The following KMT5A variants were observed in gnomAD, a reference collection of about 807,000 sequenced individuals.
KMT5A encodes lysine methyltransferase 5A.
A neutral mutation model predicts 40.6 loss-of-function variants in KMT5A; 6 were observed. That is an observed-to-expected ratio of 0.15 (90% CI 0.08 to 0.29). The LOEUF is 0.29. KMT5A is among the 10% of genes least tolerant of loss of function. The pLI is 1.00. For missense variants in KMT5A, 308 were observed against 459.1 expected (o/e 0.67, Z 3.01); for synonymous variants, 153 against 178.8 (o/e 0.86, Z 1.15).
chr12:123,387,235 C>A (rs1468866843), intron 1 of KMT5A, among the ~76,000 whole-genome samples: 2 of 152,268 alleles, frequency 1.3e-5, no homozygotes, highest in African/African-American at 2.4e-5. Context: ...GTATTTACAT[C>A]TTCTAGGTAC....
At chr12:123,397,524 T>TA (rs927668984) in intron 5 of KMT5A, among the ~76,000 whole-genome samples, 23 of 152,274 alleles carry the variant, frequency 1.5e-4, no homozygotes, top group African/African-American at 2.2e-4. Context: ...AAGCTTCATT[T>TA]AAAAAAAATT....
At chr12:123,401,474 A>G (rs1409799698) in intron 5 of KMT5A, among the ~76,000 whole-genome samples, 1 of 151,250 alleles carries the variant, frequency 6.6e-6, no homozygotes, top group Admixed American at 6.6e-5. Flanking sequence ...TATCTTTCAT[A>G]TCTTTTAAGT....
At chr12:123,385,395 T>C (rs1169090431) in intron 1 of KMT5A, among the ~76,000 whole-genome samples, 1 of 152,216 alleles carries the variant, frequency 6.6e-6, no homozygotes, top group Non-Finnish European at 1.5e-5. Flanking sequence ...TATTTAACAT[T>C]ATCTGACTAA....
At position 123,384,504 on chromosome 12, in the gene KMT5A, A is replaced by C. The variant is rs1488118086; in HGVS notation, c.10+296A>C. Among the ~76,000 whole-genome samples the C allele has an allele frequency of 6.6e-6, 1 of 152,238 alleles. No homozygotes were observed. Among genetic ancestry groups the C allele is most frequent in the Admixed American group, 6.5e-5 (1 of 15,286 alleles). ...AGATCCATATGTCAGAGCTCTTTGG[A>C]AACTAAAGCGCAGGGCACCTCCAGG... On this transcript the variant is annotated intron_variant, in intron 1 of 7. Coordinates refer to ENST00000402868, the MANE Select transcript of KMT5A (RefSeq NM_020382.7). The surrounding 1 kb of genome is among the most constrained non-coding windows in gnomAD (Gnocchi z 5.7).
chr12:123,386,926 G>T (rs1319920391), intron 1 of KMT5A, among the ~76,000 whole-genome samples: 2 of 151,866 alleles, frequency 1.3e-5, no homozygotes, highest in Non-Finnish European at 2.9e-5. Context: ...CACAATCTTG[G>T]CTCACTGCAA....
At chr12:123,398,944 C>G (rs1475430536) in intron 5 of KMT5A, among the ~76,000 whole-genome samples, 3 of 152,252 alleles carry the variant, frequency 2.0e-5, no homozygotes, top group Non-Finnish European at 4.4e-5. Context: ...AGGCTGAAGA[C>G]AGCAGCCAGG....
chr12:123,396,637 G>T (rs1877750211), intron 5 of KMT5A, among the ~76,000 whole-genome samples: 1 of 152,202 alleles, frequency 6.6e-6, no homozygotes, highest in Admixed American at 6.5e-5. Context: ...TCACTGCAGG[G>T]CTTGGTTAAG....
At chr12:123,403,483 G>A in intron 5 of KMT5A, 90 bp from the exon 6 acceptor site, 1 of 1,437,576 alleles carries the variant, frequency 7.0e-7, no homozygotes. Context: ...CGGTGGGCAT[G>A]GCCTGGGCAA....
chr12:123,394,104 C>CTTTTTTTTTTT (rs397711320), intron 3 of KMT5A, among the ~76,000 whole-genome samples: 1 of 125,076 alleles, frequency 8.0e-6, no homozygotes, highest in African/African-American at 3.0e-5. Flanking sequence ...ATTTTTTTTT[C>CTTTTTTTTTTT]TTTTTTTTTT....
chr12:123,387,490 A>G (rs28475177), intron 1 of KMT5A, among the ~76,000 whole-genome samples: 9,501 of 152,252 alleles, frequency 0.062, 328 homozygotes, highest in South Asian at 0.11. Flanking sequence ...AAATGGCTCA[A>G]CCTGGTTATC....
At chr12:123,403,685 T>A in intron 6 of KMT5A, 53 bp downstream of exon 6, 1 of 1,606,180 alleles carries the variant, frequency 6.2e-7, no homozygotes, top group Non-Finnish European at 8.5e-7. Context: ...AGAGCTCACC[T>A]TCCCTGGTCC....
At chr12:123,386,210 ATTTTTTTTTTTT>A (rs59509232) in intron 1 of KMT5A, among the ~76,000 whole-genome samples, 1 of 79,838 alleles carries the variant, frequency 1.3e-5, no homozygotes, top group African/African-American at 5.2e-5. Flanking sequence ...TTAGATTTAG[ATTTTTTTTTTTT>A]TTTTTTTTTT....
rs1199782094 is a variant in KMT5A, at chr12:123,407,264, G to A, written c.849-229G>A. On this transcript the variant is annotated intron_variant, in intron 7 of 7. Coordinates refer to ENST00000402868, the MANE Select transcript of KMT5A (RefSeq NM_020382.7). ...TGAGGTAGGAGGATGACTTGAGCCC[G>A]GGAGGTGGAGGCTGCAGTGAGCCGT... 5.3e-5 allele frequency among the ~76,000 whole-genome samples: 8 copies of A among 151,916 alleles called. No individual in the cohort carries two copies. The South Asian group carries it at 1.0e-3, about 20-fold the overall frequency.
At chr12:123,392,493 A>T (rs966006545) in intron 3 of KMT5A, among the ~76,000 whole-genome samples, 7 of 151,990 alleles carry the variant, frequency 4.6e-5, no homozygotes, top group East Asian at 1.9e-4. Context: ...CCTCATCTCT[A>T]CAACAATGAA....
At chr12:123,392,091 C>T (rs1160431143) in intron 3 of KMT5A, among the ~76,000 whole-genome samples, 1 of 152,168 alleles carries the variant, frequency 6.6e-6, no homozygotes, top group Non-Finnish European at 1.5e-5. Context: ...ACACACAGGA[C>T]TGTTTTGAAG....
intron 5 of KMT5A, among the ~76,000 whole-genome samples, chr12:123,399,447 T>C (rs1163954636): frequency 6.6e-6 from 1 of 152,170 alleles, no homozygotes; most frequent in African/African-American, 2.4e-5. Context: ...TCTGCGCATC[T>C]CCTACCTGCC....
intron 5 of KMT5A, among the ~76,000 whole-genome samples, chr12:123,399,728 A>G (rs895617295): frequency 3.3e-5 from 5 of 152,230 alleles, no homozygotes; most frequent in Non-Finnish European, 5.9e-5. Context: ...AAAAGACACC[A>G]GCTACTTGGG....
In KMT5A at chr12:123,390,837, A is replaced by G. The variant is rs1194795984; in HGVS notation, c.289+51A>G. 3.8e-6 allele frequency: 6 copies of G among 1,595,260 alleles called. No individual in the cohort carries two copies. In the African/African-American group the frequency reaches 5.4e-5, roughly 14 times the overall value. ...TGATCCCAGCTGGTCGGGTTGCAGA[A>G]GCCTCTGTCCTCTGCAAGAATGCAC... On this transcript the variant is annotated intron_variant, in intron 3 of 7. Transcript: ENST00000402868.
At chr12:123,390,371 T>C (rs1877209707) in intron 2 of KMT5A, among the ~76,000 whole-genome samples, 1 of 152,114 alleles carries the variant, frequency 6.6e-6, no homozygotes, top group Non-Finnish European at 1.5e-5. Flanking sequence ...ATATAGACCT[T>C]GGGTTGCAGC....
Sources: allele counts gnomAD v4.1 joint callset (sites outside exome capture counted in the v4.1 genomes callset), GRCh38; gene constraint gnomAD v4.1.1; non-coding constraint Gnocchi (gnomAD v3.1); transcripts MANE v1.5; gene names NCBI Gene and HGNC (gene_info 2026-07-23, HGNC 2026-07-21).